AMBRA1: variants seen among roughly 807,000 people sequenced by gnomAD.
AMBRA1 encodes activating molecule in BECN1-regulated autophagy protein 1.
A neutral mutation model predicts 125.4 loss-of-function variants in AMBRA1; 47 were observed. That is an observed-to-expected ratio of 0.37 (90% CI 0.30 to 0.48). The LOEUF (loss-of-function observed/expected upper bound fraction) is 0.48. AMBRA1 is among the 20% of genes least tolerant of loss of function. The probability of loss-of-function intolerance (pLI) is 0.99; values close to 1 mark genes in which losing one functional copy is unlikely to be tolerated. For missense variants in AMBRA1, 1,331 were observed against 1,693.4 expected (o/e 0.79, Z 3.76); for synonymous variants, 626 against 655.5 (o/e 0.95, Z 0.69).
intron 1 of AMBRA1, among the ~76,000 whole-genome samples, chr11:46,558,246 C>T (rs1179410266): frequency 6.6e-6 from 1 of 152,000 alleles, no homozygotes; most frequent in African/African-American, 2.4e-5. Context: ...CAATAGATAA[C>T]TAAAACACTA....
Position 46,491,103 on chromosome 11 carries a change from C to A in AMBRA1, c.2521+2505G>T, listed in dbSNP as rs1950443774. On this transcript the variant is annotated intron_variant, in intron 11 of 17. Transcript: ENST00000683756. ...ACATAATAAGATTTTCCTCAGCAAG[C>A]ACCACTGGATCATAAAAACCTATGT... 1.3e-5 allele frequency: 2 copies of A among 152,200 alleles called. 1 individual carries two copies. The highest frequency in any genetic ancestry group is 4.1e-4 in the South Asian group (2 of 4,830). The allele number at this position is 152,200 out of a possible 1,614,324, so 9.4% of individuals were successfully genotyped here.
At chr11:46,528,925 G>A (rs916992335) in intron 7 of AMBRA1, among the ~76,000 whole-genome samples, 2 of 152,152 alleles carry the variant, frequency 1.3e-5, no homozygotes, top group African/African-American at 4.8e-5. Flanking sequence ...GAGGAAAAAA[G>A]CAGAAGAGGC....
chr11:46,579,161 A>G lies in AMBRA1; in HGVS notation c.-121+14667T>C, dbSNP rs375505244. 7.2e-5 allele frequency among the ~76,000 whole-genome samples: 11 copies of G among 151,984 alleles called. No homozygotes were observed. The East Asian group carries it at 2.1e-3, about 30-fold the overall frequency. On this transcript the variant is annotated intron_variant, in intron 1 of 17. Transcript: ENST00000683756. Reference sequence around the variant, plus strand: ...GAAAGGCTAAACATAGCAAATTTTAAAAGTACATAAAAAGGGCCGGGCATG... The same window carrying G: ...GAAAGGCTAAACATAGCAAATTTTAGAAGTACATAAAAAGGGCCGGGCATG...
rs1007078980 is a variant in AMBRA1 at position 46,477,321 on chromosome 11, CT to C, written c.2521+16286del. 8.7e-3 allele frequency among the ~76,000 whole-genome samples: 1,236 copies of C among 142,200 alleles called. 10 individuals are homozygous for C. The highest frequency in any genetic ancestry group is 0.023 in the African/African-American group (894 of 39,022). The allele number at this position is 142,200 out of a possible 152,430, so 93.3% of individuals were successfully genotyped here. On this transcript the variant is annotated intron_variant, in intron 11 of 17. Transcript: ENST00000683756. The stretch of plus-strand genomic sequence containing the variant: ...AGTCTTTGTCTCTTTAAAGATACTT[CT>C]TTTTTTTTTTTTTGAGACAGGATCT...
rs780727462 is a variant in AMBRA1, at chr11:46,410,297, C to G, written c.3188G>C (p.Ser1063Thr). 1.5e-4 allele frequency: 246 copies of G among 1,613,804 alleles called. No homozygotes were observed. Among genetic ancestry groups the G allele is most frequent in the South Asian group, 2.9e-4 (26 of 91,054 alleles). ...NETVFTVHSNSRSSERPGTSR... is the reference protein window; with the variant it reads ...NETVFTVHSNTRSSERPGTSR... ...ATACCCAGGCCGCTCGCTGCTCCTG[C>G]TGTTGGAATGGACAGTGAAGACCGT... The change falls in exon 16 of 18, where the codon AGC (serine) becomes ACC (threonine). Residue 1063 changes from serine (S) to threonine (T), a missense_variant. Physicochemically the swap from Ser to Thr is moderately conservative, Grantham distance 58. Around this residue, in one of 4 missense-constraint regions of AMBRA1, gnomAD observed 354 missense variants for 532.7 expected, o/e 0.66. Transcript: ENST00000683756.
intron 17 of AMBRA1, among the ~76,000 whole-genome samples, chr11:46,401,211 G>T (rs1265286119): frequency 6.6e-6 from 1 of 152,048 alleles, no homozygotes; most frequent in Non-Finnish European, 1.5e-5. Flanking sequence ...GCTGGCATTG[G>T]AGTGCACTGT....
intron 8 of AMBRA1, among the ~76,000 whole-genome samples, chr11:46,509,607 T>C (rs1951184692): frequency 6.6e-6 from 1 of 152,244 alleles, no homozygotes; most frequent in Non-Finnish European, 1.5e-5. Context: ...AAACACCATG[T>C]AGCAATTAAA....
chr11:46,512,824 T>C lies in AMBRA1; in HGVS notation c.2073-11A>G. 1 of 1,603,862 alleles carries C rather than the reference T, an allele frequency of 6.2e-7. No homozygotes were observed. Among genetic ancestry groups the C allele is most frequent in the Non-Finnish European group, 8.5e-7 (1 of 1,174,998 alleles). ...GATTCCAGCAGCCTCCTAGCAGAGATTAAAAAAATGGCAATAATCCCTGTC... is the reference window on the plus strand; with the variant it reads ...GATTCCAGCAGCCTCCTAGCAGAGACTAAAAAAATGGCAATAATCCCTGTC... On this transcript the variant is annotated splice_polypyrimidine_tract_variant and intron_variant, in intron 7 of 17. Coordinates refer to ENST00000683756, the MANE Select transcript of AMBRA1 (RefSeq NM_001387011.1).
chr11:46,584,559 A>G (rs2044300535), intron 1 of AMBRA1, among the ~76,000 whole-genome samples: 1 of 151,860 alleles, frequency 6.6e-6, no homozygotes, highest in East Asian at 1.9e-4. Context: ...AAAAAAACAA[A>G]TGAATGACTG....
intron 1 of AMBRA1, among the ~76,000 whole-genome samples, chr11:46,593,543 T>G (rs896778420): frequency 6.6e-6 from 1 of 152,158 alleles, no homozygotes; most frequent in Admixed American, 6.5e-5. Flanking sequence ...CAAAGCTCTA[T>G]CGGTTCCTGG....
intron 17 of AMBRA1, among the ~76,000 whole-genome samples, chr11:46,407,319 T>C (rs1230980415): frequency 6.6e-6 from 1 of 152,228 alleles, no homozygotes; most frequent in Admixed American, 6.5e-5. Context: ...GAGGTTTGCC[T>C]CCTACTGAGA....
At chr11:46,587,524 A>G (rs2044446835) in intron 1 of AMBRA1, among the ~76,000 whole-genome samples, 1 of 152,198 alleles carries the variant, frequency 6.6e-6, no homozygotes. Context: ...TTAAATGAAG[A>G]CTGAAGACTT....
chr11:46,588,513 T>C (rs1440666273), intron 1 of AMBRA1, among the ~76,000 whole-genome samples: 1 of 151,958 alleles, frequency 6.6e-6, no homozygotes, highest in Middle Eastern at 3.2e-3. Flanking sequence ...CGGTGGCTCA[T>C]ACCTGTATTC....
intron 1 of AMBRA1, among the ~76,000 whole-genome samples, chr11:46,588,720 A>G (rs1313555777): frequency 3.3e-5 from 5 of 151,166 alleles, no homozygotes; most frequent in African/African-American, 1.2e-4. Flanking sequence ...GGATGCAGTG[A>G]GCCGAGATCG....
intron 1 of AMBRA1, among the ~76,000 whole-genome samples, chr11:46,551,540 A>C (rs1490806615): frequency 1.3e-5 from 2 of 152,174 alleles, no homozygotes; most frequent in Non-Finnish European, 2.9e-5. Flanking sequence ...TTTTTGAAAA[A>C]GGTAAATCTG....
At chr11:46,514,261 T>C (rs1951385579) in intron 7 of AMBRA1, among the ~76,000 whole-genome samples, 1 of 152,210 alleles carries the variant, frequency 6.6e-6, no homozygotes, top group African/African-American at 2.4e-5. Flanking sequence ...TTCCAGCAAC[T>C]GGCCCACTGC....
At chr11:46,473,790 A>G (rs1038298173) in intron 11 of AMBRA1, among the ~76,000 whole-genome samples, 8 of 152,156 alleles carry the variant, frequency 5.3e-5, no homozygotes, top group African/African-American at 1.7e-4. Flanking sequence ...AGCTGGCACT[A>G]CGGACACCCA....
intron 1 of AMBRA1, among the ~76,000 whole-genome samples, chr11:46,589,808 G>A (rs2044528488): frequency 1.3e-5 from 2 of 151,786 alleles, no homozygotes; most frequent in African/African-American, 2.4e-5. Flanking sequence ...TTTTTTAGTA[G>A]AGAAGGGGTT....
intron 1 of AMBRA1, among the ~76,000 whole-genome samples, chr11:46,569,220 T>C (rs866293949): frequency 4.4e-5 from 6 of 135,854 alleles, no homozygotes; most frequent in Middle Eastern, 3.9e-3. Flanking sequence ...CACTCTAGCC[T>C]GGGCGACAAG....
Sources: gnomAD v4.1 joint callset for allele counts (sites outside exome capture counted in the v4.1 genomes callset) on GRCh38, gnomAD v4.1.1 for gene constraint, gnomAD v4.1.1 regional missense constraint, MANE v1.5 for transcripts, NCBI Gene and HGNC (gene_info 2026-07-23, HGNC 2026-07-21) for gene names.